PTPRD: variants seen among roughly 807,000 people sequenced by gnomAD.
PTPRD encodes the protein protein tyrosine phosphatase receptor type D, also known as receptor-type tyrosine-protein phosphatase delta.
PTPRD carries 34 observed loss-of-function variants against 214.5 expected under a neutral mutation model. The ratio of observed to expected loss-of-function variants is 0.16; its 90% confidence interval spans 0.12 to 0.21. The LOEUF (loss-of-function observed/expected upper bound fraction) is 0.21. Ranked by LOEUF, PTPRD falls within the 10% of genes least tolerant of loss-of-function variation. The pLI is 1.00. For missense variants in PTPRD, 2,545 were observed against 2,398.7 expected (o/e 1.06, Z -1.27); for synonymous variants, 1,128 against 845.7 (o/e 1.33, Z -5.79).
chr9:8,731,525 T>C (rs1445244299), intron 12 of PTPRD, among the ~76,000 whole-genome samples: 1 of 152,226 alleles, frequency 6.6e-6, no homozygotes, highest in Non-Finnish European at 1.5e-5. Context: ...AATTTTTCTG[T>C]AGTGTTACTT....
intron 2 of PTPRD, among the ~76,000 whole-genome samples, chr9:10,431,691 G>A (rs891097981): frequency 6.4e-4 from 97 of 152,044 alleles, no homozygotes; most frequent in Non-Finnish European, 9.1e-4. Flanking sequence ...AAAAATGCTC[G>A]TCATCACTGG....
At chr9:9,909,192 T>C (rs568736284) in intron 5 of PTPRD, among the ~76,000 whole-genome samples, 38 of 152,084 alleles carry the variant, frequency 2.5e-4, no homozygotes, top group African/African-American at 8.7e-4. Context: ...GCAGCACATT[T>C]CTACCTGAAA....
At chr9:8,437,061 T>A in intron 34 of PTPRD, 1 of 658,112 alleles carries the variant, frequency 1.5e-6, no homozygotes, top group Non-Finnish European at 2.5e-6. Context: ...TCCTGCACTG[T>A]GTGAAATGGA....
intron 8 of PTPRD, among the ~76,000 whole-genome samples, chr9:9,426,567 C>T (rs186576136): frequency 6.6e-6 from 1 of 152,194 alleles, no homozygotes; most frequent in Non-Finnish European, 1.5e-5. Context: ...AGTGGATCTC[C>T]CAGCACGGAG....
chr9:8,774,742 C>G (rs1189493029), intron 11 of PTPRD, among the ~76,000 whole-genome samples: 1 of 151,958 alleles, frequency 6.6e-6, no homozygotes, highest in Non-Finnish European at 1.5e-5. Flanking sequence ...CCATGTTGGT[C>G]AGGCTGGCCT....
intron 3 of PTPRD, among the ~76,000 whole-genome samples, chr9:10,269,180 G>GA (rs112836931): frequency 0.16 from 24,456 of 151,572 alleles, 2,090 homozygotes; most frequent in African/African-American, 0.21. Context: ...AACACTCCAG[G>GA]AAAAAAAATG....
chr9:9,829,155 C>T (rs1042158254), intron 5 of PTPRD, among the ~76,000 whole-genome samples: 1 of 151,886 alleles, frequency 6.6e-6, no homozygotes, highest in Middle Eastern at 3.4e-3. Flanking sequence ...TTACGTAGAA[C>T]ATTGTATTAA....
At chr9:9,371,592 T>C (rs1454850647) in intron 9 of PTPRD, among the ~76,000 whole-genome samples, 2 of 151,910 alleles carry the variant, frequency 1.3e-5, no homozygotes, top group East Asian at 1.9e-4. Context: ...TTTTGAAGGG[T>C]TTTTTGTGTC....
chr9:8,873,425 G>A (rs1377526736), intron 11 of PTPRD, among the ~76,000 whole-genome samples: 2 of 152,134 alleles, frequency 1.3e-5, no homozygotes, highest in African/African-American at 4.8e-5. Flanking sequence ...CCCAAGGGTA[G>A]GGATTGAAGA....
At chr9:9,371,174 T>C (rs1445457734) in intron 9 of PTPRD, among the ~76,000 whole-genome samples, 4 of 152,178 alleles carry the variant, frequency 2.6e-5, no homozygotes, top group African/African-American at 9.6e-5. Flanking sequence ...ATTGTAATAG[T>C]TTCAGAAGGA....
intron 10 of PTPRD, among the ~76,000 whole-genome samples, chr9:9,173,512 C>A (rs2099922748): frequency 6.6e-6 from 1 of 152,060 alleles, no homozygotes; most frequent in South Asian, 2.1e-4. Context: ...TTATAGCCTA[C>A]CAGTGTAGCT....
At chr9:9,158,437 T>C (rs2099883253) in intron 10 of PTPRD, among the ~76,000 whole-genome samples, 1 of 151,894 alleles carries the variant, frequency 6.6e-6, no homozygotes, top group Non-Finnish European at 1.5e-5. Flanking sequence ...CCGTCTCTAC[T>C]AAAAATACAA....
chr9:8,620,544 A>C (rs2095789403), intron 14 of PTPRD, among the ~76,000 whole-genome samples: 1 of 151,974 alleles, frequency 6.6e-6, no homozygotes, highest in Non-Finnish European at 1.5e-5. Context: ...AAATGCAATG[A>C]GAGGAGATAG....
chr9:9,030,276 C>CT (rs71317396), intron 10 of PTPRD, among the ~76,000 whole-genome samples: 875 of 37,922 alleles, frequency 0.023, 42 homozygotes, highest in East Asian at 0.047. Context: ...CACACTTGGG[C>CT]TTTTTTTTTT....
intron 11 of PTPRD, among the ~76,000 whole-genome samples, chr9:8,769,806 G>GA (rs571912390): frequency 0.023 from 3,160 of 135,786 alleles, 90 homozygotes; most frequent in African/African-American, 0.074. Flanking sequence ...TTTACAATTA[G>GA]AAAAAAAAAA....
chr9:10,075,872 T>C (rs966365178), intron 3 of PTPRD, among the ~76,000 whole-genome samples: 3 of 152,266 alleles, frequency 2.0e-5, no homozygotes, highest in Admixed American at 6.5e-5. Flanking sequence ...TGCTTCATCT[T>C]CTATAACGAT....
chr9:9,017,598 A>T lies in PTPRD; in HGVS notation c.-104+1099T>A, dbSNP rs112024524. Among the ~76,000 whole-genome samples, 928 of 152,314 alleles carry T rather than the reference A, an allele frequency of 6.1e-3. 2 individuals carry two copies. The highest frequency in any genetic ancestry group is 0.01 in the Middle Eastern group (3 of 294). ...TAGAATCAAGTGATTTCATAAATAT[A>T]GAAAGTTTAGAACACTAGTAAGGAA... On this transcript the variant is annotated intron_variant, in intron 11 of 45. Coordinates refer to ENST00000381196, the MANE Select transcript of PTPRD (RefSeq NM_002839.4).
intron 44 of PTPRD, among the ~76,000 whole-genome samples, chr9:8,329,335 TCAG>T (rs905788866): frequency 1.3e-5 from 2 of 152,150 alleles, no homozygotes; most frequent in African/African-American, 4.8e-5. Flanking sequence ...CTGGGTATTA[TCAG>T]CAGAGGCTTC....
intron 10 of PTPRD, among the ~76,000 whole-genome samples, chr9:9,103,362 C>T (rs1459488456): frequency 6.6e-6 from 1 of 151,694 alleles, no homozygotes; most frequent in Non-Finnish European, 1.5e-5. Flanking sequence ...TGTCTCAAGC[C>T]AAATGTCTTT....
Sources: allele counts gnomAD v4.1 joint callset (sites outside exome capture counted in the v4.1 genomes callset), GRCh38; gene constraint gnomAD v4.1.1; transcripts MANE v1.5; gene names NCBI Gene and HGNC (gene_info 2026-07-23, HGNC 2026-07-21).